Variants in NSD1 observed in about 807,000 individuals in gnomAD.
NSD1 encodes the protein histone-lysine N-methyltransferase, H3 lysine-36 specific.
Under a neutral mutation model 242.7 loss-of-function variants are expected in NSD1, and 26 were observed. That is an observed-to-expected ratio of 0.11 (90% CI 0.08 to 0.15). The LOEUF (loss-of-function observed/expected upper bound fraction) is 0.15. NSD1 is among the 10% of genes least tolerant of loss of function. NSD1 has a pLI of 1.00. For synonymous variants in NSD1, 1,106 were observed against 1,178.1 expected, an observed-to-expected ratio of 0.94 and a Z score of 1.25; for missense variants, 2,495 against 3,272.8, an observed-to-expected ratio of 0.76 and a Z score of 5.80.
intron 16 of NSD1, among the ~76,000 whole-genome samples, chr5:177,273,244 C>T (rs950885675): frequency 1.4e-5 from 2 of 146,890 alleles, no homozygotes; most frequent in African/African-American, 5.0e-5. Context: ...CTTCCCTGGG[C>T]CACACTGGAA....
intron 2 of NSD1, among the ~76,000 whole-genome samples, chr5:177,183,023 T>C (rs1219243405): frequency 6.6e-6 from 1 of 152,170 alleles, no homozygotes; most frequent in African/African-American, 2.4e-5. Flanking sequence ...GCAGTCTTCC[T>C]GCCTTGGCTT....
At chr5:177,257,885 C>T (rs1263064295) in intron 13 of NSD1, among the ~76,000 whole-genome samples, 10 of 148,484 alleles carry the variant, frequency 6.7e-5, no homozygotes, top group African/African-American at 1.7e-4. Flanking sequence ...CCAGTCTCCT[C>T]GATCTCCTGA....
chr5:177,296,033 G>T lies in NSD1; in HGVS notation c.*574G>T. On this transcript the variant is annotated 3_prime_UTR_variant, in exon 23 of 23. Transcript: ENST00000439151. Reference sequence around the variant, plus strand: ...GTAACAGGAAGTTCTGAGGGGCCCTGGGGCTTTAGACTCATTTTGAAATGT... The same window carrying T: ...GTAACAGGAAGTTCTGAGGGGCCCTTGGGCTTTAGACTCATTTTGAAATGT... The T allele has an allele frequency of 3.8e-6, 1 of 264,082 alleles. No individual in the cohort carries two copies. The allele number at this position is 264,082 out of a possible 1,614,324, so 16.4% of individuals were successfully genotyped here.
chr5:177,160,051 G>GAA (rs1366650546), intron 2 of NSD1, among the ~76,000 whole-genome samples: 1 of 151,808 alleles, frequency 6.6e-6, no homozygotes, highest in African/African-American at 2.4e-5. Context: ...CACCATGCCT[G>GAA]AATAATTTTT....
chr5:177,173,762 G>A (rs932525985), intron 2 of NSD1, among the ~76,000 whole-genome samples: 7 of 152,130 alleles, frequency 4.6e-5, no homozygotes, highest in African/African-American at 1.7e-4. Flanking sequence ...ATGAGCCACT[G>A]CACCTGGCCT....
At position 177,205,730 on chromosome 5, in the gene NSD1, A is replaced by G. The variant is rs144738407; in HGVS notation, c.1236+1438A>G. 2.9e-3 allele frequency among the ~76,000 whole-genome samples: 443 copies of G among 151,958 alleles called. 4 individuals are homozygous for G. The highest frequency in any genetic ancestry group is 0.021 in the Admixed American group (321 of 15,258). On this transcript the variant is annotated intron_variant, in intron 4 of 22. Transcript: ENST00000439151. ...CACCACCATTCTACTGTTTGTCTCT[A>G]TGATTTAATATTCTCTTATATTCAA... is the stretch of plus-strand genomic sequence containing the variant.
At chr5:177,264,139 G>T (rs939972241) in intron 14 of NSD1, among the ~76,000 whole-genome samples, 4 of 147,876 alleles carry the variant, frequency 2.7e-5, no homozygotes, top group East Asian at 2.0e-4. Flanking sequence ...GGGTTCAAGC[G>T]ATCCTCCTGC....
At chr5:177,277,357 G>T (rs1303967682) in intron 17 of NSD1, among the ~76,000 whole-genome samples, 1 of 152,116 alleles carries the variant, frequency 6.6e-6, no homozygotes, top group African/African-American at 2.4e-5. Context: ...TTGGAATACA[G>T]GCATGCTTCT....
chr5:177,198,993 T>C (rs1397687890), intron 3 of NSD1, among the ~76,000 whole-genome samples: 2 of 152,242 alleles, frequency 1.3e-5, no homozygotes, highest in African/African-American at 4.8e-5. Context: ...AGACATTTCA[T>C]ATGTAGTAGG....
chr5:177,177,615 A>C (rs1760315113), intron 2 of NSD1, among the ~76,000 whole-genome samples: 1 of 152,124 alleles, frequency 6.6e-6, no homozygotes, highest in African/African-American at 2.4e-5. Flanking sequence ...ATGCCACTGC[A>C]CTCCAGCCTG....
Position 177,248,224 on chromosome 5 carries a change from C to T in NSD1, c.4541C>T (p.Thr1514Ile), listed in dbSNP as rs1251078708. 1.2e-6 allele frequency: 2 copies of T among 1,613,992 alleles called. No homozygotes were observed. Among genetic ancestry groups the T allele is most frequent in the Non-Finnish European group, 1.7e-6 (2 of 1,180,026 alleles). ...PHRTATSPKETVEEGVEHDPG... is the reference protein window; with the variant it reads ...PHRTATSPKEIVEEGVEHDPG... Reference sequence around the variant, plus strand: ...AGGACGGCCACAAGCCCCAAGGAGACTGTTGAGGAAGGTGTAGAACACGAT... The same window carrying T: ...AGGACGGCCACAAGCCCCAAGGAGATTGTTGAGGAAGGTGTAGAACACGAT... Residue 1514 changes from threonine to isoleucine, a missense_variant, in exon 11 of 23, where the codon ACT (threonine) becomes ATT (isoleucine). Around this residue, in one of 19 missense-constraint regions of NSD1, gnomAD observed 97 missense variants for 97.7 expected, o/e 0.99. Transcript: ENST00000439151.
chr5:177,149,527 GT>G (rs1222919110), intron 2 of NSD1, among the ~76,000 whole-genome samples: 1 of 152,050 alleles, frequency 6.6e-6, no homozygotes, highest in South Asian at 2.1e-4. Flanking sequence ...TGCAGAGAGA[GT>G]TTTTTCTGTA....
At chr5:177,139,068 G>C (rs1756588232) in intron 2 of NSD1, among the ~76,000 whole-genome samples, 2 of 151,210 alleles carry the variant, frequency 1.3e-5, no homozygotes, top group African/African-American at 4.8e-5. Context: ...TGGCCAACAT[G>C]GCAAAACCCC....
intron 2 of NSD1, among the ~76,000 whole-genome samples, chr5:177,158,293 C>CTTTCTTTCTTTCTTTCTTTCTTTCT (rs1758350204): frequency 2.1e-4 from 16 of 77,738 alleles, no homozygotes; most frequent in East Asian, 8.7e-4. Context: ...TTCTTTCTTT[C>CTTTCTTTCTTTCTTTCTTTCTTTCT]TTTCTTTCTT....
At chr5:177,196,355 G>A (rs530759428) in intron 3 of NSD1, among the ~76,000 whole-genome samples, 11 of 152,322 alleles carry the variant, frequency 7.2e-5, no homozygotes, top group African/African-American at 2.6e-4. Context: ...TTGAACATGT[G>A]TTAGAAGGGG....
intron 6 of NSD1, among the ~76,000 whole-genome samples, chr5:177,237,292 G>T (rs1186146783): frequency 1.3e-5 from 2 of 151,660 alleles, no homozygotes; most frequent in African/African-American, 4.8e-5. Flanking sequence ...CTCTGTTATT[G>T]TCCTGAAATA....
At chr5:177,136,888 T>C (rs1016480239) in intron 2 of NSD1, 1 of 700,336 alleles carries the variant, frequency 1.4e-6, no homozygotes, top group Non-Finnish European at 2.6e-6. Context: ...GGCCTTGTCA[T>C]GTTGCCCAGG....
intron 2 of NSD1, among the ~76,000 whole-genome samples, chr5:177,156,408 A>G (rs1423588112): frequency 2.0e-5 from 3 of 152,080 alleles, no homozygotes; most frequent in Non-Finnish European, 4.4e-5. Context: ...CTCGTTCTTT[A>G]GACCTCGTGA....
intron 1 of NSD1, 37 bp from the exon 2 acceptor site, chr5:177,135,050 A>G (rs1267351979): frequency 5.1e-6 from 8 of 1,575,798 alleles, no homozygotes; most frequent in South Asian, 4.4e-5. Flanking sequence ...CAGATGGCCT[A>G]TTAACTCAGA....
Sources: allele counts gnomAD v4.1 joint callset (sites outside exome capture counted in the v4.1 genomes callset), GRCh38; gene constraint gnomAD v4.1.1; regional missense constraint gnomAD v4.1.1; transcripts MANE v1.5; gene names NCBI Gene and HGNC (gene_info 2026-07-23, HGNC 2026-07-21).